The following GLIPR2 variants were observed in gnomAD, a reference collection of about 807,000 sequenced individuals.
The protein encoded by GLIPR2 is Golgi-associated plant pathogenesis-related protein 1.
In GLIPR2, 21 loss-of-function variants were observed where a neutral mutation model predicts 20.4. The observed-to-expected ratio is 1.03, with a 90% confidence interval of 0.73 to 1.48. GLIPR2 has a LOEUF of 1.48. Among genes scored for constraint, GLIPR2 ranks in the 40% most tolerant of loss-of-function variants. The pLI, the probability that GLIPR2 is intolerant of heterozygous loss-of-function variation, is 0.00. For missense variants in GLIPR2, 205 were observed against 200.1 expected (o/e 1.02, Z -0.15); for synonymous variants, 91 against 80.5 (o/e 1.13, Z -0.70).
rs1826102205 is a variant in GLIPR2 at position 36,162,532 on chromosome 9, TG to T, written c.*11del. 1 of 1,613,880 alleles carries T rather than the reference TG, an allele frequency of 6.2e-7. No individual in the cohort carries two copies. Among genetic ancestry groups the T allele is most frequent in the South Asian group, 1.1e-5 (1 of 91,072 alleles). ...GCCGCCGAAGAAGTAACTTGTTAAA[TG>T]TAATGGGAAGGTGGCAGACTTAAGA... On this transcript the variant is annotated 3_prime_UTR_variant, in exon 5 of 5. Transcript: ENST00000377960.
chr9:36,140,394 T>C (rs1825019126), intron 1 of GLIPR2, among the ~76,000 whole-genome samples: 1 of 152,198 alleles, frequency 6.6e-6, no homozygotes, highest in African/African-American at 2.4e-5. Context: ...TTTCATCTGT[T>C]GCTTTTATTG....
At position 36,139,137 on chromosome 9, in the gene GLIPR2, T is replaced by C. The variant is rs1201637279; in HGVS notation, c.13+2346T>C. 3.9e-5 allele frequency among the ~76,000 whole-genome samples: 6 copies of C among 152,134 alleles called. No homozygotes were observed. In the South Asian group the frequency reaches 1.2e-3, roughly 32 times the overall value. ...CTTGGGCAGACTTGGTGACAACTTA[T>C]TGTGAAGCAGAGGGAAGGGTCAGAG... On this transcript the variant is annotated intron_variant, in intron 1 of 4. Coordinates refer to ENST00000377960, the MANE Select transcript of GLIPR2 (RefSeq NM_022343.4).
chr9:36,149,109 T>C (rs1400483736), intron 3 of GLIPR2, among the ~76,000 whole-genome samples: 2 of 152,086 alleles, frequency 1.3e-5, no homozygotes, highest in East Asian at 3.9e-4. Flanking sequence ...AGAAAAGCAA[T>C]AGAGCTTTTT....
rs745934062 is a variant in GLIPR2, at chr9:36,150,860, A to G, written c.227-12A>G. The G allele has an allele frequency of 1.9e-6, 3 of 1,601,390 alleles. No individual in the cohort carries two copies. The highest frequency in any genetic ancestry group is 1.1e-5 in the South Asian group (1 of 90,644). ...TGTGGCTGAGTTTTAGAACAATGTC[A>G]TTTCCACACAGGAAAGGAGGTGGCT... On this transcript the variant is annotated splice_polypyrimidine_tract_variant and intron_variant, in intron 3 of 4. Transcript: ENST00000377960.
In GLIPR2 at chr9:36,148,538, A is replaced by G; in HGVS notation, c.123-9A>G. 1 of 1,607,540 alleles carries G rather than the reference A, an allele frequency of 6.2e-7. No individual in the cohort carries two copies. Among genetic ancestry groups the G allele is most frequent in the Non-Finnish European group, 8.5e-7 (1 of 1,174,414 alleles). ...CACCTGCTCTGAGGAGGCGCTGTGAACTCTGCAGGTATTCTGAGGCCCTGG... is the reference window on the plus strand; with the variant it reads ...CACCTGCTCTGAGGAGGCGCTGTGAGCTCTGCAGGTATTCTGAGGCCCTGG... On this transcript the variant is annotated splice_polypyrimidine_tract_variant and intron_variant, in intron 2 of 4. Coordinates refer to ENST00000377960, the MANE Select transcript of GLIPR2 (RefSeq NM_022343.4).
At chr9:36,138,736 G>A (rs1160407055) in intron 1 of GLIPR2, among the ~76,000 whole-genome samples, 1 of 152,200 alleles carries the variant, frequency 6.6e-6, no homozygotes, top group Non-Finnish European at 1.5e-5. Flanking sequence ...GGATAGACAG[G>A]CACTATCTGG....
At chr9:36,142,749 T>TG (rs1305111201) in intron 1 of GLIPR2, among the ~76,000 whole-genome samples, 34 of 152,196 alleles carry the variant, frequency 2.2e-4, no homozygotes, top group African/African-American at 8.2e-4. Flanking sequence ...TTTTTCTCGG[T>TG]GGGGGTAGGG....
upstream of GLIPR2, chr9:36,136,605 C>G (rs1824824881): frequency 2.5e-6 from 1 of 397,792 alleles, no homozygotes; most frequent in Non-Finnish European, 4.2e-6. The surrounding 1 kb of genome is among the most constrained non-coding windows in gnomAD (Gnocchi z 4.3). Context: ...GGGAGGCCCA[C>G]GGGGTGGCCC....
chr9:36,137,934 C>G (rs1361837302), intron 1 of GLIPR2, among the ~76,000 whole-genome samples: 1 of 152,272 alleles, frequency 6.6e-6, no homozygotes, highest in Non-Finnish European at 1.5e-5. Context: ...AGAGGCAGGT[C>G]TGGCTTTCAG....
intron 4 of GLIPR2, among the ~76,000 whole-genome samples, chr9:36,154,870 T>C (rs1309202413): frequency 1.3e-5 from 2 of 152,332 alleles, no homozygotes; most frequent in African/African-American, 4.8e-5. Flanking sequence ...AAATGGCAGC[T>C]TCTTCCTTTT....
intron 1 of GLIPR2, among the ~76,000 whole-genome samples, chr9:36,142,069 TC>T (rs35137995): frequency 6.6e-6 from 1 of 152,038 alleles, no homozygotes; most frequent in Non-Finnish European, 1.5e-5. Context: ...GTCCCTGATA[TC>T]CCCCTGGGGT....
chr9:36,142,104 A>G, intron 1 of GLIPR2, among the ~76,000 whole-genome samples: 1 of 152,114 alleles, frequency 6.6e-6, no homozygotes, highest in Non-Finnish European at 1.5e-5. Flanking sequence ...ATGCTGGAAA[A>G]GCGCTTGGCA....
chr9:36,153,812 A>C (rs1200004123), intron 4 of GLIPR2, among the ~76,000 whole-genome samples: 2 of 151,880 alleles, frequency 1.3e-5, no homozygotes, highest in Admixed American at 1.3e-4. Context: ...AAGACACAAG[A>C]ACTGCTTGAA....
chr9:36,140,125 T>G lies in GLIPR2; in HGVS notation c.13+3334T>G, dbSNP rs1563877362. ...TCAGCTCTCTGACTCCCCTACTGTGTCCTGTCCTCTCTCCCACACTGACCA... is the reference window on the plus strand; with the variant it reads ...TCAGCTCTCTGACTCCCCTACTGTGGCCTGTCCTCTCTCCCACACTGACCA... On this transcript the variant is annotated intron_variant, in intron 1 of 4. Transcript: ENST00000377960. 2.6e-5 allele frequency among the ~76,000 whole-genome samples: 4 copies of G among 152,228 alleles called. No homozygotes were observed. In the East Asian group the frequency reaches 7.7e-4, roughly 29 times the overall value.
At chr9:36,157,723 T>C (rs906962882) in intron 4 of GLIPR2, among the ~76,000 whole-genome samples, 8 of 151,478 alleles carry the variant, frequency 5.3e-5, no homozygotes, top group African/African-American at 9.7e-5. Context: ...CATATATATA[T>C]ACACATATAT....
intron 1 of GLIPR2, among the ~76,000 whole-genome samples, chr9:36,137,092 T>TA (rs1481633961): frequency 6.6e-6 from 1 of 152,150 alleles, no homozygotes; most frequent in Non-Finnish European, 1.5e-5. Flanking sequence ...AGGCCAGACT[T>TA]AGAGTTGGAA....
At chr9:36,152,952 CAAAAAAAAAAAAAAAA>C (rs67296666) in intron 4 of GLIPR2, among the ~76,000 whole-genome samples, 4 of 14,010 alleles carry the variant, frequency 2.9e-4, no homozygotes, top group Admixed American at 1.3e-3. Context: ...ACTGAAAGTG[CAAAAAAAAAAAAAAAA>C]AAAAAAAAAA....
intron 2 of GLIPR2, 49 bp downstream of exon 2, chr9:36,147,943 C>T (rs773473776): frequency 1.6e-5 from 14 of 878,962 alleles, no homozygotes; most frequent in Admixed American, 8.5e-5. Flanking sequence ...TGTGCTGCTA[C>T]TGCAGTCACA....
In GLIPR2 at chr9:36,160,736, C is replaced by G. The variant is rs534802071; in HGVS notation, c.305-1626C>G. 2.0e-5 allele frequency among the ~76,000 whole-genome samples: 3 copies of G among 152,264 alleles called. No homozygotes were observed. In the South Asian group the frequency reaches 6.2e-4, roughly 32 times the overall value. Reference sequence around the variant, plus strand: ...GGAAGTAAATAGATATGATTTATATCTCAGAATGGTCACTCTGAATACTAA... The same window carrying G: ...GGAAGTAAATAGATATGATTTATATGTCAGAATGGTCACTCTGAATACTAA... On this transcript the variant is annotated intron_variant, in intron 4 of 4. Transcript: ENST00000377960.
Sources: allele counts gnomAD v4.1 joint callset (sites outside exome capture counted in the v4.1 genomes callset), GRCh38; gene constraint gnomAD v4.1.1; non-coding constraint Gnocchi (gnomAD v3.1); transcripts MANE v1.5; gene names NCBI Gene and HGNC (gene_info 2026-07-23, HGNC 2026-07-21).